The following RSPO2 variants were observed in gnomAD, a reference collection of about 807,000 sequenced individuals.
The protein encoded by RSPO2 is R-spondin-2.
A neutral mutation model predicts 30.9 loss-of-function variants in RSPO2; 14 were observed. The observed-to-expected ratio is 0.45, with a 90% CI of 0.30 to 0.71. The LOEUF (loss-of-function observed/expected upper bound fraction) is 0.71, where lower values mean the gene tolerates loss of function less well. Among genes scored for constraint, RSPO2 ranks in the 30% least tolerant of loss-of-function variants. The probability of loss-of-function intolerance (pLI) is 0.08; values close to 1 mark genes in which losing one functional copy is unlikely to be tolerated. For missense variants in RSPO2, 264 were observed against 301.9 expected, an observed-to-expected ratio of 0.87 and a Z score of 0.93; for synonymous variants, 107 against 96.4, an observed-to-expected ratio of 1.11 and a Z score of -0.64.
intron 2 of RSPO2, among the ~76,000 whole-genome samples, chr8:108,007,376 G>GA (rs146527487): frequency 0.084 from 12,819 of 152,146 alleles, 880 homozygotes; most frequent in African/African-American, 0.18. Flanking sequence ...AGTTTATTGG[G>GA]AAAAAATATA....
chr8:108,048,536 T>C (rs1811976047), intron 2 of RSPO2, among the ~76,000 whole-genome samples: 1 of 152,090 alleles, frequency 6.6e-6, no homozygotes, highest in African/African-American at 2.4e-5. Context: ...TATCATTTTT[T>C]ATTGTGTCTA....
intron 2 of RSPO2, among the ~76,000 whole-genome samples, chr8:108,051,984 G>A (rs143335767): frequency 5.6e-4 from 85 of 152,232 alleles, no homozygotes; most frequent in African/African-American, 1.9e-3. Context: ...TGTTATATTG[G>A]TTTGTATGTA....
chr8:107,909,241 T>G (rs957117148), intron 5 of RSPO2, among the ~76,000 whole-genome samples: 7 of 149,798 alleles, frequency 4.7e-5, no homozygotes, highest in Admixed American at 2.0e-4. Context: ...AGTTATTCTC[T>G]CATATACTTT....
At position 107,989,248 on chromosome 8, in the gene RSPO2, T is replaced by G. The variant is rs1333126539; in HGVS notation, c.95-4A>C. ...ATGGGATTTGATACATAACTAGCTG[T>G]AAAAGAAAAACAAAAATTGTGTTTA... On this transcript the variant is annotated splice_polypyrimidine_tract_variant and splice_region_variant and intron_variant, in intron 2 of 5. Transcript: ENST00000276659. 2 of 1,539,596 alleles carry G rather than the reference T, an allele frequency of 1.3e-6. No individual in the cohort carries two copies. The highest frequency in any genetic ancestry group is 1.7e-6 in the Non-Finnish European group (2 of 1,149,712).
At chr8:107,911,904 A>G (rs1275871950) in intron 5 of RSPO2, among the ~76,000 whole-genome samples, 1 of 152,098 alleles carries the variant, frequency 6.6e-6, no homozygotes, top group African/African-American at 2.4e-5. Context: ...TAGGCTGGAG[A>G]AGGGCATCAG....
intron 3 of RSPO2, chr8:107,983,844 C>G: frequency 4.4e-6 from 7 of 1,591,570 alleles, no homozygotes; most frequent in Non-Finnish European, 6.0e-6. Context: ...CTCAACCTGG[C>G]AGAAGTTTGC....
chr8:107,904,940 C>G (rs946984142), intron 5 of RSPO2, among the ~76,000 whole-genome samples: 1 of 152,066 alleles, frequency 6.6e-6, no homozygotes, highest in Non-Finnish European at 1.5e-5. Flanking sequence ...AAGAGCATAA[C>G]CTATCAACTC....
chr8:107,901,870 A>G (rs1811483835), intron 5 of RSPO2, among the ~76,000 whole-genome samples: 1 of 152,224 alleles, frequency 6.6e-6, no homozygotes, highest in Admixed American at 6.5e-5. Context: ...CCAGACGATC[A>G]TACCAAGTAT....
chr8:107,982,032 A>G (rs1326193875), intron 3 of RSPO2, among the ~76,000 whole-genome samples: 1 of 146,854 alleles, frequency 6.8e-6, no homozygotes, highest in African/African-American at 2.5e-5. Flanking sequence ...AAAAAAAAAA[A>G]GGAAGGAAAG....
intron 5 of RSPO2, among the ~76,000 whole-genome samples, chr8:107,909,665 A>G (rs960950039): frequency 6.6e-6 from 1 of 152,194 alleles, no homozygotes; most frequent in African/African-American, 2.4e-5. Flanking sequence ...AGTTCCACAA[A>G]AAAAGTCATT....
intron 5 of RSPO2, among the ~76,000 whole-genome samples, chr8:107,934,415 C>G (rs1201129749): frequency 2.0e-5 from 3 of 150,762 alleles, no homozygotes; most frequent in Non-Finnish European, 4.4e-5. Context: ...TCTTGTTGCC[C>G]AGGCTGGAGT....
intron 3 of RSPO2, among the ~76,000 whole-genome samples, chr8:107,966,600 GA>G (rs1205708220): frequency 6.6e-6 from 1 of 152,136 alleles, no homozygotes; most frequent in Non-Finnish European, 1.5e-5. Flanking sequence ...AGAGAAGATG[GA>G]AAACTGAGAG....
At chr8:107,906,692 A>T (rs184963177) in intron 5 of RSPO2, among the ~76,000 whole-genome samples, 4 of 152,134 alleles carry the variant, frequency 2.6e-5, no homozygotes, top group Admixed American at 2.6e-4. Flanking sequence ...GGCAAATATG[A>T]TGAGCAGGAC....
At chr8:107,977,458 T>C (rs1243340959) in intron 3 of RSPO2, among the ~76,000 whole-genome samples, 2 of 152,178 alleles carry the variant, frequency 1.3e-5, no homozygotes, top group South Asian at 4.1e-4. Context: ...CATTCTAATA[T>C]GAAGAGGTTT....
At chr8:108,038,265 A>G (rs1172907905) in intron 2 of RSPO2, among the ~76,000 whole-genome samples, 4 of 152,196 alleles carry the variant, frequency 2.6e-5, no homozygotes, top group African/African-American at 9.7e-5. Flanking sequence ...AGAAATGGCA[A>G]GAGAACTAGA....
intron 5 of RSPO2, among the ~76,000 whole-genome samples, chr8:107,925,141 G>A (rs912159862): frequency 6.6e-6 from 1 of 151,746 alleles, no homozygotes; most frequent in African/African-American, 2.4e-5. Flanking sequence ...TAGAGGCTTG[G>A]CAGGGGGTTA....
At chr8:107,995,064 G>C (rs550270344) in intron 2 of RSPO2, among the ~76,000 whole-genome samples, 38 of 152,154 alleles carry the variant, frequency 2.5e-4, no homozygotes, top group African/African-American at 8.9e-4. Flanking sequence ...CAAGAAACAA[G>C]GCCCTTCAGG....
chr8:108,042,662 A>C (rs1404589602), intron 2 of RSPO2, among the ~76,000 whole-genome samples: 2 of 152,168 alleles, frequency 1.3e-5, no homozygotes, highest in Non-Finnish European at 2.9e-5. Context: ...AGCTTGGAGA[A>C]GTAAGGAGCC....
chr8:107,992,125 G>A (rs1814866622), intron 2 of RSPO2, among the ~76,000 whole-genome samples: 1 of 149,862 alleles, frequency 6.7e-6, no homozygotes, highest in Non-Finnish European at 1.5e-5. Context: ...CAAAGACATG[G>A]AATCAACTTA....
Sources: allele counts gnomAD v4.1 joint callset (sites outside exome capture counted in the v4.1 genomes callset), GRCh38; gene constraint gnomAD v4.1.1; transcripts MANE v1.5; gene names NCBI Gene and HGNC (gene_info 2026-07-23, HGNC 2026-07-21).